Variants in PPP3CA observed in about 807,000 individuals in gnomAD.
PPP3CA encodes CAM-PRP catalytic subunit.
In PPP3CA, 14 loss-of-function variants were observed where a neutral mutation model predicts 66.5. That is an observed-to-expected ratio of 0.21 (90% CI 0.14 to 0.33). The LOEUF (loss-of-function observed/expected upper bound fraction) is 0.33, where lower values mean the gene tolerates loss of function less well. Ranked by LOEUF, PPP3CA falls within the 10% of genes least tolerant of loss-of-function variation. PPP3CA has a pLI of 1.00. For synonymous variants in PPP3CA, 232 were observed against 226.2 expected, an observed-to-expected ratio of 1.03 and a Z score of -0.23; for missense variants, 317 against 639.5, an observed-to-expected ratio of 0.50 and a Z score of 5.44.
intron 1 of PPP3CA, among the ~76,000 whole-genome samples, chr4:101,213,118 A>T (rs982058403): frequency 1.3e-5 from 2 of 152,184 alleles, no homozygotes; most frequent in Non-Finnish European, 2.9e-5. Context: ...AATGTTCTAT[A>T]ATAGATACCA....
At chr4:101,138,903 G>A (rs569767795) in intron 2 of PPP3CA, among the ~76,000 whole-genome samples, 1 of 152,222 alleles carries the variant, frequency 6.6e-6, no homozygotes, top group South Asian at 2.1e-4. Flanking sequence ...ACAAATATAT[G>A]AAATTGAAGT....
chr4:101,245,209 G>A (rs1478958151), intron 1 of PPP3CA, among the ~76,000 whole-genome samples: 1 of 152,124 alleles, frequency 6.6e-6, no homozygotes, highest in African/African-American at 2.4e-5. Context: ...CTGCTGGATA[G>A]TCCTACCATC....
chr4:101,057,178 C>T (rs1298330705), intron 10 of PPP3CA, among the ~76,000 whole-genome samples: 1 of 151,914 alleles, frequency 6.6e-6, no homozygotes, highest in Non-Finnish European at 1.5e-5. Context: ...CCTCAGCCTT[C>T]CAAGTAGCTA....
chr4:101,303,446 A>G (rs1728439874), intron 1 of PPP3CA, among the ~76,000 whole-genome samples: 1 of 152,174 alleles, frequency 6.6e-6, no homozygotes, highest in Non-Finnish European at 1.5e-5. Context: ...ATGTACCTAC[A>G]TATCTACAAC....
chr4:101,303,292 C>T (rs899631267), intron 1 of PPP3CA, among the ~76,000 whole-genome samples: 6 of 152,156 alleles, frequency 3.9e-5, no homozygotes, highest in Non-Finnish European at 8.8e-5. Flanking sequence ...ATATTCATTT[C>T]ACATCCACCT....
intron 1 of PPP3CA, among the ~76,000 whole-genome samples, chr4:101,342,190 A>C (rs1729839434): frequency 6.6e-6 from 1 of 152,164 alleles, no homozygotes; most frequent in African/African-American, 2.4e-5. Flanking sequence ...TCTAGATGTT[A>C]ATTTTTTCCT....
rs114123279 is a variant in PPP3CA at position 101,136,259 on chromosome 4, C to T, written c.260-27181G>A. 1.4e-3 allele frequency among the ~76,000 whole-genome samples: 209 copies of T among 152,228 alleles called. 1 individual carries two copies. Among genetic ancestry groups the T allele is most frequent in the African/African-American group, 4.9e-3 (202 of 41,548 alleles). On this transcript the variant is annotated intron_variant, in intron 2 of 13. Transcript: ENST00000394854. The stretch of plus-strand genomic sequence containing the variant: ...TTACACCAAATATCATCTGTGCTAT[C>T]AAATGTGTTCATCAGCCGGGTGTGT...
chr4:101,099,293 T>A (rs1270517059), intron 4 of PPP3CA, among the ~76,000 whole-genome samples: 1 of 152,138 alleles, frequency 6.6e-6, no homozygotes, highest in Non-Finnish European at 1.5e-5. Context: ...CCATTTGCGT[T>A]TTTTGAGTAA....
intron 1 of PPP3CA, among the ~76,000 whole-genome samples, chr4:101,268,479 C>T (rs573244271): frequency 3.3e-5 from 5 of 152,150 alleles, no homozygotes; most frequent in South Asian, 2.1e-4. Context: ...AACTTAAATA[C>T]GTAAAACCAT....
rs536454651 is a variant in PPP3CA at position 101,156,452 on chromosome 4, C to T, written c.259+39464G>A. Among the ~76,000 whole-genome samples, 13 of 152,088 alleles carry T rather than the reference C, an allele frequency of 8.5e-5. 1 individual carries two copies. In the South Asian group the frequency reaches 1.7e-3, roughly 19 times the overall value. On this transcript the variant is annotated intron_variant, in intron 2 of 13. Transcript: ENST00000394854. ...TCCCAGCACTTTGGGAGGCTGAGGC[C>T]GGCAGATCACCTGAAGTCGGGAGTT...
intron 1 of PPP3CA, among the ~76,000 whole-genome samples, chr4:101,247,351 G>A (rs747724892): frequency 7.9e-5 from 12 of 151,756 alleles, no homozygotes; most frequent in East Asian, 1.9e-4. Flanking sequence ...TGGTAGAGAC[G>A]GCATTTCACT....
At chr4:101,273,874 T>C (rs1727409403) in intron 1 of PPP3CA, among the ~76,000 whole-genome samples, 1 of 151,886 alleles carries the variant, frequency 6.6e-6, no homozygotes, top group African/African-American at 2.4e-5. Flanking sequence ...TAAGAAAACA[T>C]CTTGGGCCAA....
intron 1 of PPP3CA, among the ~76,000 whole-genome samples, chr4:101,297,921 T>C (rs1345847891): frequency 1.3e-5 from 2 of 152,198 alleles, no homozygotes; most frequent in East Asian, 3.8e-4. Flanking sequence ...TACTTTGCTC[T>C]CCACTGTATC....
intron 8 of PPP3CA, among the ~76,000 whole-genome samples, chr4:101,070,041 G>A (rs138708072): frequency 3.4e-4 from 51 of 152,158 alleles, no homozygotes; most frequent in African/African-American, 1.1e-3. Flanking sequence ...GTGTTGCTCC[G>A]GGGTCAATTC....
At chr4:101,275,398 C>T (rs1727458041) in intron 1 of PPP3CA, among the ~76,000 whole-genome samples, 1 of 152,090 alleles carries the variant, frequency 6.6e-6, no homozygotes, top group African/African-American at 2.4e-5. Context: ...AAAGTTATAC[C>T]TTCTTTCACG....
intron 10 of PPP3CA, among the ~76,000 whole-genome samples, chr4:101,047,542 A>G (rs1024936243): frequency 2.0e-5 from 3 of 152,090 alleles, no homozygotes; most frequent in African/African-American, 2.4e-5. Context: ...TAGAAATCTT[A>G]TATTATTCTT....
intron 2 of PPP3CA, among the ~76,000 whole-genome samples, chr4:101,147,327 C>T (rs796763747): frequency 1.1e-4 from 17 of 152,130 alleles, no homozygotes; most frequent in African/African-American, 4.1e-4. Context: ...AAAAGGTTGC[C>T]ATGTTGTTCA....
At chr4:101,168,043 C>T (rs563289726) in intron 2 of PPP3CA, among the ~76,000 whole-genome samples, 1 of 152,152 alleles carries the variant, frequency 6.6e-6, no homozygotes, top group East Asian at 1.9e-4. Context: ...ATCACACTGA[C>T]CACTGGGTTG....
rs5860655 is a variant in PPP3CA, at chr4:101,036,417, C to CT, written c.1242-4054dup. On this transcript the variant is annotated intron_variant, in intron 11 of 13. Coordinates refer to ENST00000394854, the MANE Select transcript of PPP3CA (RefSeq NM_000944.5). ...CGTCTACATTTCTTTTTCTTTCTTTCTTTTTTTTTTTTGAGATGGAGTCTT... is the reference window on the plus strand; with the variant it reads ...CGTCTACATTTCTTTTTCTTTCTTTCTTTTTTTTTTTTTGAGATGGAGTCTT... 2.8e-4 allele frequency among the ~76,000 whole-genome samples: 41 copies of CT among 146,392 alleles called. 1 individual carries two copies. In the East Asian group the frequency reaches 4.0e-3, roughly 14 times the overall value.
Sources: gnomAD v4.1 joint callset for allele counts (sites outside exome capture counted in the v4.1 genomes callset) on GRCh38, gnomAD v4.1.1 for gene constraint, MANE v1.5 for transcripts, NCBI Gene and HGNC (gene_info 2026-07-23, HGNC 2026-07-21) for gene names.